The following EPB41L2 variants were observed in gnomAD, a reference collection of about 807,000 sequenced individuals.
EPB41L2 encodes erythrocyte membrane protein band 4.1 like 2.
A neutral mutation model predicts 113.0 loss-of-function variants in EPB41L2; 43 were observed. The ratio of observed to expected loss-of-function variants is 0.38; its 90% CI spans 0.30 to 0.49. The LOEUF (loss-of-function observed/expected upper bound fraction) is 0.49, where lower values mean the gene tolerates loss of function less well. Among genes scored for constraint, EPB41L2 ranks in the 20% least tolerant of loss-of-function variants. The pLI, the probability that EPB41L2 is intolerant of heterozygous loss-of-function variation, is 0.95. For synonymous variants in EPB41L2, 442 were observed against 436.7 expected (o/e 1.01, Z -0.15); for missense variants, 1,147 against 1,223.4 (o/e 0.94, Z 0.93).
At chr6:130,971,124 A>G (rs1346952552) in intron 1 of EPB41L2, among the ~76,000 whole-genome samples, 1 of 152,126 alleles carries the variant, frequency 6.6e-6, no homozygotes, top group African/African-American at 2.4e-5. Context: ...CTCCAACTCC[A>G]GGACTCAAGT....
At chr6:130,983,013 C>T (rs1779724344) in intron 1 of EPB41L2, among the ~76,000 whole-genome samples, 1 of 152,172 alleles carries the variant, frequency 6.6e-6, no homozygotes, top group Admixed American at 6.5e-5. Context: ...GACATCACAC[C>T]ATGATGCTTA....
At chr6:130,906,835 T>C (rs1359850638) in intron 5 of EPB41L2, among the ~76,000 whole-genome samples, 2 of 152,186 alleles carry the variant, frequency 1.3e-5, no homozygotes, top group African/African-American at 2.4e-5. Flanking sequence ...CTGCTAAAGC[T>C]TCATTTCCTC....
Position 131,056,511 on chromosome 6 carries a change from T to G in EPB41L2, c.-15+6644A>C, listed in dbSNP as rs188725348. Among the ~76,000 whole-genome samples the G allele has an allele frequency of 2.6e-5, 4 of 152,326 alleles. No individual in the cohort carries two copies. In the South Asian group the frequency reaches 8.3e-4, roughly 32 times the overall value. On this transcript the variant is annotated intron_variant, in intron 1 of 19. Transcript: ENST00000337057. ...GAAATTGTTAAAAAGTGGTTTTAAC[T>G]TGTGATCACCATAGGAAATTACTGT...
intron 4 of EPB41L2, 43 bp downstream of exon 4, chr6:130,926,562 C>T: frequency 2.2e-6 from 3 of 1,379,870 alleles, no homozygotes; most frequent in South Asian, 2.5e-5. Flanking sequence ...TAAAAAAATA[C>T]AATATGTTCT....
At chr6:130,897,713 C>A (rs541306113) in intron 8 of EPB41L2, among the ~76,000 whole-genome samples, 1 of 152,130 alleles carries the variant, frequency 6.6e-6, no homozygotes, top group African/African-American at 2.4e-5. Context: ...GTCCCCATTA[C>A]ATAGAAAATG....
chr6:130,928,098 A>G (rs1342123080), intron 3 of EPB41L2, among the ~76,000 whole-genome samples: 2 of 152,180 alleles, frequency 1.3e-5, no homozygotes, highest in Non-Finnish European at 2.9e-5. Flanking sequence ...CTCAATAAAT[A>G]AATACATAAA....
chr6:131,030,745 T>TAGAG (rs1477901528), intron 1 of EPB41L2, among the ~76,000 whole-genome samples: 51 of 152,226 alleles, frequency 3.4e-4, no homozygotes, highest in Middle Eastern at 3.4e-3. Context: ...TGCGGTCCTC[T>TAGAG]GCCTAGAGGT....
At chr6:130,925,439 T>A (rs1804392448) in intron 4 of EPB41L2, among the ~76,000 whole-genome samples, 1 of 152,172 alleles carries the variant, frequency 6.6e-6, no homozygotes, top group African/African-American at 2.4e-5. Flanking sequence ...TCCGCCCGCC[T>A]CGGCCTCCCA....
intron 1 of EPB41L2, among the ~76,000 whole-genome samples, chr6:131,049,723 CTTGT>C (rs1212838316): frequency 6.6e-6 from 1 of 152,164 alleles, no homozygotes; most frequent in African/African-American, 2.4e-5. Context: ...AGGACTTTTA[CTTGT>C]TTTTTCAGTA....
intron 15 of EPB41L2, among the ~76,000 whole-genome samples, chr6:130,869,147 C>A (rs992246204): frequency 6.6e-6 from 1 of 152,130 alleles, no homozygotes; most frequent in Non-Finnish European, 1.5e-5. Context: ...GGGGCACACA[C>A]ACTCAGCAGT....
At chr6:130,873,574 T>C (rs565114045) in intron 14 of EPB41L2, among the ~76,000 whole-genome samples, 1 of 152,296 alleles carries the variant, frequency 6.6e-6, no homozygotes, top group East Asian at 1.9e-4. Context: ...TAAGTGATTT[T>C]CCTGCCTCAG....
intron 15 of EPB41L2, 49 bp from the exon 16 acceptor site, chr6:130,867,630 A>G (rs1784214078): frequency 6.2e-7 from 1 of 1,605,878 alleles, no homozygotes; most frequent in Non-Finnish European, 8.5e-7. Context: ...TAATAAAGTA[A>G]AAGTGTTTAA....
intron 3 of EPB41L2, among the ~76,000 whole-genome samples, chr6:130,940,154 G>C (rs1810324809): frequency 6.6e-6 from 1 of 152,174 alleles, no homozygotes; most frequent in African/African-American, 2.4e-5. Flanking sequence ...CAGAAGCAAA[G>C]AGCTTAATTT....
At chr6:130,845,925 C>T (rs1251242660) in intron 19 of EPB41L2, among the ~76,000 whole-genome samples, 1 of 152,210 alleles carries the variant, frequency 6.6e-6, no homozygotes, top group East Asian at 1.9e-4. Context: ...GTTGAAGCAG[C>T]TGCTTTTTCA....
intron 3 of EPB41L2, among the ~76,000 whole-genome samples, chr6:130,949,567 AAAG>A (rs1814114401): frequency 6.6e-6 from 1 of 152,104 alleles, no homozygotes. Context: ...CCTGTTGAAA[AAAG>A]AAGAAAAGGG....
At chr6:130,965,644 CAAAAAAA>C (rs35081059) in intron 1 of EPB41L2, among the ~76,000 whole-genome samples, 19 of 127,896 alleles carry the variant, frequency 1.5e-4, no homozygotes, top group Non-Finnish European at 4.9e-5. Flanking sequence ...AAACAGTTAT[CAAAAAAA>C]AAAAAAAAAA....
At chr6:130,912,445 A>G (rs957820323) in intron 4 of EPB41L2, among the ~76,000 whole-genome samples, 4 of 152,198 alleles carry the variant, frequency 2.6e-5, no homozygotes, top group African/African-American at 9.6e-5. Context: ...ACTACTGTTC[A>G]TGGCCCGCAC....
At chr6:130,940,640 T>C (rs1326289129) in intron 3 of EPB41L2, among the ~76,000 whole-genome samples, 1 of 152,048 alleles carries the variant, frequency 6.6e-6, no homozygotes, top group Non-Finnish European at 1.5e-5. Context: ...TTAATTTTTG[T>C]ATTTTTAGTA....
At chr6:130,951,461 A>G (rs1003522417) in intron 3 of EPB41L2, among the ~76,000 whole-genome samples, 1 of 150,844 alleles carries the variant, frequency 6.6e-6, no homozygotes, top group Admixed American at 6.6e-5. Flanking sequence ...AGTAGCTGGG[A>G]TTATAGGCAC....
Sources: allele counts gnomAD v4.1 joint callset (sites outside exome capture counted in the v4.1 genomes callset), GRCh38; gene constraint gnomAD v4.1.1; transcripts MANE v1.5; gene names NCBI Gene and HGNC (gene_info 2026-07-23, HGNC 2026-07-21).